The following IGF2R variants were observed in gnomAD, a reference collection of about 807,000 sequenced individuals.
IGF2R encodes the protein insulin like growth factor 2 receptor, also known as cation-independent mannose-6-phosphate receptor.
Under a neutral mutation model 270.6 loss-of-function variants are expected in IGF2R, and 91 were observed. That is an observed-to-expected ratio of 0.34 (90% CI 0.28 to 0.40). The LOEUF is 0.40. Ranked by LOEUF, IGF2R falls within the 10% of genes least tolerant of loss-of-function variation. IGF2R has a pLI of 1.00. For synonymous variants in IGF2R, 1,316 were observed against 1,258.9 expected, an observed-to-expected ratio of 1.05 and a Z score of -0.96; for missense variants, 2,805 against 3,188.3, an observed-to-expected ratio of 0.88 and a Z score of 2.90.
chr6:160,110,948 G>C lies in IGF2R; in HGVS notation c.*5864G>C, dbSNP rs1170679286. 6.6e-6 allele frequency: 1 copy of C among 152,222 alleles called. No individual in the cohort carries two copies. Among genetic ancestry groups the C allele is most frequent in the African/African-American group, 2.4e-5 (1 of 41,458 alleles). The allele number at this position is 152,222 out of a possible 1,614,324, so 9.4% of individuals were successfully genotyped here. On this transcript the variant is annotated 3_prime_UTR_variant, in exon 48 of 48. Coordinates refer to ENST00000356956, the MANE Select transcript of IGF2R (RefSeq NM_000876.4). ...GGAAGTGAGCAGATGTTGGTGAAAG[G>C]GTGCAGAGGTTCAGCTATGCAACAT...
Position 160,075,914 on chromosome 6 carries a change from A to T in IGF2R, c.5234A>T (p.Glu1745Val). The T allele has an allele frequency of 6.2e-7, 1 of 1,614,122 alleles. No individual in the cohort carries two copies. The change falls in exon 36 of 48, where the codon GAA (glutamate) becomes GTA (valine). Residue 1745 changes from glutamate to valine, a missense_variant. Physicochemically the swap from Glu to Val is moderately radical, Grantham distance 121. Around this residue, in one of 2 missense-constraint regions of IGF2R, gnomAD observed 1,851 missense variants for 2,207.2 expected, o/e 0.84. Coordinates refer to ENST00000356956, the MANE Select transcript of IGF2R (RefSeq NM_000876.4). ...PIANEIYLNF[E>V]SSTPCLADKH... ...GCAAATGAGATTTACTTGAATTTTG[A>T]AAGCAGTACTCCTTGCTTAGCGGAC...
chr6:160,073,493 A>G (rs773674052), intron 34 of IGF2R, 24 bp downstream of exon 34: 2 of 1,612,400 alleles, frequency 1.2e-6, no homozygotes, highest in Admixed American at 3.3e-5. Context: ...TGGGCACGGG[A>G]GAAGTGCATG....
In IGF2R at chr6:160,050,119, A is replaced by C. The variant is rs1778159906; in HGVS notation, c.2515-354A>C. 6.6e-6 allele frequency among the ~76,000 whole-genome samples: 1 copy of C among 152,226 alleles called. No individual in the cohort carries two copies. The highest frequency in any genetic ancestry group is 2.1e-4 in the South Asian group (1 of 4,836). On this transcript the variant is annotated intron_variant, in intron 18 of 47. Coordinates refer to ENST00000356956, the MANE Select transcript of IGF2R (RefSeq NM_000876.4). This position sits in a 1 kb window ranked among gnomAD's most constrained non-coding sequence, Gnocchi z 4.0. Reference sequence around the variant, plus strand: ...CCGTTCCACCGGAATTCAGGATCTGAAGAACATCTTACACGATTATTGAAC... The same window carrying C: ...CCGTTCCACCGGAATTCAGGATCTGCAGAACATCTTACACGATTATTGAAC...
chr6:160,044,934 G>A (rs370040116), intron 13 of IGF2R, among the ~76,000 whole-genome samples: 48 of 152,220 alleles, frequency 3.2e-4, no homozygotes, highest in Non-Finnish European at 4.9e-4. Flanking sequence ...ACTGATACTC[G>A]GCCAGTCATG....
chr6:160,107,087 C>T lies in IGF2R; in HGVS notation c.*2003C>T, dbSNP rs180704449. On this transcript the variant is annotated 3_prime_UTR_variant, in exon 48 of 48. Transcript: ENST00000356956. Reference sequence around the variant, plus strand: ...CTCAACCGTCTCATTTTTAAATTATCCAATTGGAGTTACCTTTTTAAAAAA... The same window carrying T: ...CTCAACCGTCTCATTTTTAAATTATTCAATTGGAGTTACCTTTTTAAAAAA... The T allele has an allele frequency of 6.6e-6, 1 of 152,292 alleles. No homozygotes were observed. Among genetic ancestry groups the T allele is most frequent in the African/African-American group, 2.4e-5 (1 of 41,550 alleles). 9.4% of individuals were successfully genotyped at this position (152,292 alleles called of 1,614,324 possible). A position where few individuals can be genotyped will look rare whatever the true frequency, so the allele number is the denominator to read the frequency against.
intron 5 of IGF2R, among the ~76,000 whole-genome samples, chr6:160,025,425 C>G (rs1308104740): frequency 1.3e-5 from 2 of 152,128 alleles, no homozygotes; most frequent in Non-Finnish European, 2.9e-5. Flanking sequence ...TTTTAGTGTT[C>G]TTCTTTGTTT....
At chr6:160,097,173 G>A (rs935701232) in intron 45 of IGF2R, among the ~76,000 whole-genome samples, 1 of 152,246 alleles carries the variant, frequency 6.6e-6, no homozygotes, top group Non-Finnish European at 1.5e-5. Flanking sequence ...AACAGAGGGA[G>A]CAGTTTCTGC....
intron 45 of IGF2R, among the ~76,000 whole-genome samples, chr6:160,101,658 T>C (rs1779487890): frequency 6.6e-6 from 1 of 152,212 alleles, no homozygotes; most frequent in Non-Finnish European, 1.5e-5. Flanking sequence ...AATTTCTGTT[T>C]ATGTGATCCT....
At position 160,044,717 on chromosome 6, in the gene IGF2R, C is replaced by G. The variant is rs573005836; in HGVS notation, c.1765+60C>G. ...CTTCTGCCAGAGGTCCTGCATTCTT[C>G]ATATCTCTGTTCCTCATCAGTCACT... On this transcript the variant is annotated intron_variant, in intron 13 of 47. Transcript: ENST00000356956. 24 of 1,376,084 alleles carry G rather than the reference C, an allele frequency of 1.7e-5. No individual in the cohort carries two copies. In the African/African-American group the frequency reaches 3.2e-4, roughly 18 times the overall value. 85.2% of individuals were successfully genotyped at this position (1,376,084 alleles called of 1,614,324 possible).
intron 2 of IGF2R, among the ~76,000 whole-genome samples, chr6:160,000,018 G>A (rs750658045): frequency 6.6e-6 from 1 of 152,202 alleles, no homozygotes; most frequent in Admixed American, 6.5e-5. Context: ...GTTTGCCAAT[G>A]TACTATTAGG....
chr6:159,974,820 G>A (rs1783664170), intron 1 of IGF2R, among the ~76,000 whole-genome samples: 1 of 152,062 alleles, frequency 6.6e-6, no homozygotes, highest in African/African-American at 2.4e-5. Flanking sequence ...CCTACCCCAA[G>A]GTCTCAAAGA....
intron 2 of IGF2R, among the ~76,000 whole-genome samples, chr6:160,008,665 A>G (rs1047582063): frequency 6.6e-6 from 1 of 152,138 alleles, no homozygotes; most frequent in Non-Finnish European, 1.5e-5. Flanking sequence ...CTGGCGAGGG[A>G]TGAGACTAGT....
intron 29 of IGF2R, among the ~76,000 whole-genome samples, chr6:160,065,836 A>ATATATATATATATATG (rs1423747636): frequency 2.1e-4 from 25 of 117,014 alleles, no homozygotes; most frequent in African/African-American, 9.1e-4. Context: ...ATATATATAT[A>ATATATATATATATATG]TATATATATG....
chr6:159,970,688 A>G (rs1239754086), intron 1 of IGF2R, among the ~76,000 whole-genome samples: 1 of 152,252 alleles, frequency 6.6e-6, no homozygotes, highest in East Asian at 1.9e-4. Flanking sequence ...AGTAACTAGT[A>G]TGATACAGAG....
Position 160,061,847 on chromosome 6 carries a change from G to T in IGF2R, c.3501G>T (p.Leu1167Phe). 1 of 1,614,152 alleles carries T rather than the reference G, an allele frequency of 6.2e-7. No homozygotes were observed. Among genetic ancestry groups the T allele is most frequent in the Non-Finnish European group, 8.5e-7 (1 of 1,180,032 alleles). ...CCCAAGCCGCGGCGAATGGATCTTT[G>T]AGCATCATGTATGTCAACGGTGACA... ...MSPQAAANGS[L>F]SIMYVNGDKC... is the part of the protein sequence containing the mutation. The change falls in exon 25 of 48, where the codon TTG becomes TTT. Residue 1167 changes from leucine (L) to phenylalanine (F), a missense_variant. By Grantham distance (22) the Leu-to-Phe change is conservative. This residue lies in a region of IGF2R where 1,851 missense variants were observed against 2,207.2 expected (regional missense o/e 0.84). Coordinates refer to ENST00000356956, the MANE Select transcript of IGF2R (RefSeq NM_000876.4).
At position 160,059,089 on chromosome 6, in the gene IGF2R, T is replaced by C; in HGVS notation, c.3082T>C (p.Ser1028Pro). ...FITLTYKGPL[S>P]AKGTADAFIV... ...CACTCTGACCTACAAAGGGCCTCTC[T>C]CTGCCAAAGGTGAGCTCAGAGCCAT... Residue 1028 changes from serine to proline, a missense_variant, in exon 22 of 48, where the codon TCT (serine) becomes CCT (proline). Coordinates refer to ENST00000356956, the MANE Select transcript of IGF2R (RefSeq NM_000876.4). 6.2e-7 allele frequency: 1 copy of C among 1,613,846 alleles called. No homozygotes were observed. The highest frequency in any genetic ancestry group is 1.1e-5 in the South Asian group (1 of 91,068).
rs1228986841 is a variant in IGF2R at position 160,046,481 on chromosome 6, T to G, written c.1904-17T>G. On this transcript the variant is annotated splice_polypyrimidine_tract_variant and intron_variant, in intron 14 of 47. Coordinates refer to ENST00000356956, the MANE Select transcript of IGF2R (RefSeq NM_000876.4). ...GGACTGACCTTCCATACTTTTATTG[T>G]TTTTATTCTTTCTTAGGGTTTTCTT... The G allele has an allele frequency of 1.3e-6, 2 of 1,599,404 alleles. No individual in the cohort carries two copies. The highest frequency in any genetic ancestry group is 4.5e-5 in the East Asian group (2 of 44,828).
intron 44 of IGF2R, chr6:160,095,138 C>G (rs571187546): frequency 6.6e-6 from 1 of 152,126 alleles, no homozygotes; most frequent in Non-Finnish European, 1.5e-5. Context: ...ACCTATGGGG[C>G]GTCTCTTGTT....
chr6:160,050,643 G>T lies in IGF2R; in HGVS notation c.2685G>T (p.Arg895Ser), dbSNP rs146646011. 1.2e-4 allele frequency: 186 copies of T among 1,602,906 alleles called. 1 individual carries two copies. The highest frequency in any genetic ancestry group is 1.5e-4 in the Non-Finnish European group (178 of 1,171,446). The change falls in exon 19 of 48, where the codon AGG (arginine) becomes AGT (serine). Residue 895 changes from arginine to serine, a missense_variant. Coordinates refer to ENST00000356956, the MANE Select transcript of IGF2R (RefSeq NM_000876.4). This position sits in a 1 kb window ranked among gnomAD's most constrained non-coding sequence, Gnocchi z 4.0. The stretch of plus-strand genomic sequence containing the variant: ...CGAGGATCCATCTCGTCTGCTCCAG[G>T]GGCAGGCTGGTAAGGCACTGCTGCT... Reference protein sequence around the residue: ...YTTRIHLVCSRGRLNSHPIFS... With the variant: ...YTTRIHLVCSSGRLNSHPIFS...
Sources: gnomAD v4.1 joint callset for allele counts (sites outside exome capture counted in the v4.1 genomes callset) on GRCh38, gnomAD v4.1.1 for gene constraint, gnomAD v4.1.1 regional missense constraint, Gnocchi (gnomAD v3.1) non-coding constraint, MANE v1.5 for transcripts, NCBI Gene and HGNC (gene_info 2026-07-23, HGNC 2026-07-21) for gene names.